PAG1: variants seen among roughly 807,000 people sequenced by gnomAD.
PAG1 encodes phosphoprotein membrane anchor with glycosphingolipid microdomains 1.
PAG1 carries 23 observed loss-of-function variants against 31.7 expected under a neutral mutation model. The observed-to-expected ratio is 0.73, with a 90% CI of 0.52 to 1.03. The LOEUF (loss-of-function observed/expected upper bound fraction) is 1.03. PAG1 is among the 50% of genes least tolerant of loss of function. The pLI, the probability that PAG1 is intolerant of heterozygous loss-of-function variation, is 0.00. For synonymous variants in PAG1, 214 were observed against 210.3 expected (o/e 1.02, Z -0.15); for missense variants, 473 against 540.7 (o/e 0.87, Z 1.24).
rs946335597 is a variant in PAG1 at position 80,973,401 on chromosome 8, A to G, written c.*3143T>C. ...TTGACAAATTAAAAAAATTTTGCAT[A>G]AAACAGGTTACCCTTTCCTGCTGAC... is the stretch of plus-strand genomic sequence containing the variant. On this transcript the variant is annotated 3_prime_UTR_variant, in exon 9 of 9. Coordinates refer to ENST00000220597, the MANE Select transcript of PAG1 (RefSeq NM_018440.4). The G allele has an allele frequency of 1.3e-5, 2 of 152,206 alleles. No homozygotes were observed. The highest frequency in any genetic ancestry group is 4.8e-5 in the African/African-American group (2 of 41,460). 9.4% of individuals were successfully genotyped at this position (152,206 alleles called of 1,614,324 possible).
chr8:81,020,610 T>C (rs754581737), intron 3 of PAG1, among the ~76,000 whole-genome samples: 8 of 152,210 alleles, frequency 5.3e-5, no homozygotes, highest in Non-Finnish European at 8.8e-5. Context: ...CATGTGGAAC[T>C]GTGATTCCAT....
chr8:81,072,518 A>G (rs1444287311), intron 1 of PAG1, among the ~76,000 whole-genome samples: 3 of 152,196 alleles, frequency 2.0e-5, no homozygotes, highest in Admixed American at 2.0e-4. Flanking sequence ...GTTGAAAATC[A>G]CTGGTCTAAA....
chr8:81,068,058 G>A (rs1270232230), intron 2 of PAG1, among the ~76,000 whole-genome samples: 6 of 152,084 alleles, frequency 3.9e-5, no homozygotes, highest in South Asian at 4.1e-4. Context: ...CACCATGTCC[G>A]GCTAATTTTT....
At chr8:81,001,910 G>A (rs1351125417) in intron 3 of PAG1, among the ~76,000 whole-genome samples, 1 of 152,196 alleles carries the variant, frequency 6.6e-6, no homozygotes, top group Non-Finnish European at 1.5e-5. Context: ...GAGGATGTGA[G>A]AGCCACACCC....
intron 3 of PAG1, among the ~76,000 whole-genome samples, chr8:80,998,380 G>T (rs975408924): frequency 3.9e-5 from 6 of 151,994 alleles, no homozygotes; most frequent in Admixed American, 2.6e-4. Flanking sequence ...CACCTGCCTC[G>T]GCCTCCCAAA....
At chr8:81,096,778 CT>C (rs1809534559) in intron 1 of PAG1, among the ~76,000 whole-genome samples, 1 of 152,172 alleles carries the variant, frequency 6.6e-6, no homozygotes, top group Non-Finnish European at 1.5e-5. Context: ...AATCAGGCCC[CT>C]GGTAGGCTGC....
chr8:81,040,424 G>T (rs886788564), intron 2 of PAG1, among the ~76,000 whole-genome samples: 3 of 151,896 alleles, frequency 2.0e-5, no homozygotes, highest in African/African-American at 7.3e-5. Flanking sequence ...CGCTACCTGT[G>T]CTTCTTCCCC....
At chr8:81,032,930 C>T (rs1163018427) in intron 2 of PAG1, among the ~76,000 whole-genome samples, 13 of 151,994 alleles carry the variant, frequency 8.6e-5, no homozygotes, top group Admixed American at 7.9e-4. Flanking sequence ...CATGGATGAA[C>T]CTTGAAAACA....
chr8:80,991,760 C>G (rs189668192), intron 4 of PAG1, among the ~76,000 whole-genome samples: 8 of 152,196 alleles, frequency 5.3e-5, no homozygotes, highest in African/African-American at 1.7e-4. Flanking sequence ...CCTGGCACCC[C>G]TTCTTCCGGG....
intron 1 of PAG1, among the ~76,000 whole-genome samples, chr8:81,074,679 T>C (rs999003233): frequency 1.4e-4 from 21 of 152,170 alleles, no homozygotes; most frequent in African/African-American, 5.1e-4. Context: ...AATCAGACTC[T>C]GCATTCTAAT....
chr8:81,066,162 C>T (rs1809003237), intron 2 of PAG1, among the ~76,000 whole-genome samples: 1 of 152,226 alleles, frequency 6.6e-6, no homozygotes, highest in South Asian at 2.1e-4. Context: ...AGCTTTGATT[C>T]TATCCAGCCT....
At chr8:81,074,508 G>A (rs1016204615) in intron 1 of PAG1, among the ~76,000 whole-genome samples, 29 of 152,310 alleles carry the variant, frequency 1.9e-4, no homozygotes, top group African/African-American at 5.8e-4. Context: ...TTAAGGCACA[G>A]GGGATAGAAG....
chr8:80,987,647 C>A, intron 5 of PAG1, 181 bp from the exon 6 acceptor site: 1 of 548,548 alleles, frequency 1.8e-6, no homozygotes, highest in Non-Finnish European at 3.3e-6. Flanking sequence ...CCAGTGGATG[C>A]CTAAAACCAT....
intron 3 of PAG1, among the ~76,000 whole-genome samples, chr8:81,019,752 C>T (rs1808130389): frequency 2.0e-5 from 3 of 152,154 alleles, no homozygotes; most frequent in Non-Finnish European, 4.4e-5. Context: ...GGAGTTGATA[C>T]CCCTACACAG....
At chr8:80,985,694 A>G (rs1248478349) in intron 6 of PAG1, among the ~76,000 whole-genome samples, 1 of 152,234 alleles carries the variant, frequency 6.6e-6, no homozygotes, top group Non-Finnish European at 1.5e-5. Flanking sequence ...CCAGAAGATG[A>G]CCAGTTTGAT....
intron 3 of PAG1, among the ~76,000 whole-genome samples, chr8:80,999,972 C>T (rs1316572853): frequency 6.6e-6 from 1 of 152,142 alleles, no homozygotes; most frequent in Non-Finnish European, 1.5e-5. Context: ...GTATCACATG[C>T]ACTCTGACAG....
Position 81,077,754 on chromosome 8 carries a change from G to C in PAG1, c.-233-7584C>G, listed in dbSNP as rs74641813. Among the ~76,000 whole-genome samples the C allele has an allele frequency of 4.5e-3, 685 of 152,292 alleles. 8 individuals are homozygous for C. The highest frequency in any genetic ancestry group is 0.016 in the African/African-American group (663 of 41,564). Reference sequence around the variant, plus strand: ...CAATAATGCAAGATGTGGAGTAAAGGTTTGAAAATAATATGTAAATTTTGC... The same window carrying C: ...CAATAATGCAAGATGTGGAGTAAAGCTTTGAAAATAATATGTAAATTTTGC... On this transcript the variant is annotated intron_variant, in intron 1 of 8. Coordinates refer to ENST00000220597, the MANE Select transcript of PAG1 (RefSeq NM_018440.4).
At chr8:81,011,267 A>T (rs1223812629) in intron 3 of PAG1, among the ~76,000 whole-genome samples, 1 of 152,210 alleles carries the variant, frequency 6.6e-6, no homozygotes, top group Non-Finnish European at 1.5e-5. Flanking sequence ...CATTATTGCC[A>T]CATGTTACGG....
Position 80,973,748 on chromosome 8 carries a change from C to T in PAG1, c.*2796G>A, listed in dbSNP as rs1200378943. 6.6e-6 allele frequency: 1 copy of T among 152,150 alleles called. No homozygotes were observed. The highest frequency in any genetic ancestry group is 2.4e-5 in the African/African-American group (1 of 41,506). 9.4% of individuals were successfully genotyped at this position (152,150 alleles called of 1,614,324 possible). A position where few individuals can be genotyped will look rare whatever the true frequency, so the allele number is the denominator to read the frequency against. On this transcript the variant is annotated 3_prime_UTR_variant, in exon 9 of 9. Transcript: ENST00000220597. ...TTTTGTCCAACTCAAAGATTCAAGC[C>T]CAGATTCTGAACAAAGTAAATGTGA... is the stretch of plus-strand genomic sequence containing the variant.
Sources: gnomAD v4.1 joint callset for allele counts (sites outside exome capture counted in the v4.1 genomes callset) on GRCh38, gnomAD v4.1.1 for gene constraint, MANE v1.5 for transcripts, NCBI Gene and HGNC (gene_info 2026-07-23, HGNC 2026-07-21) for gene names.